Variants in ABCC8 observed in about 807,000 individuals in gnomAD.
ABCC8 encodes ATP-binding cassette sub-family C member 8.
ABCC8 carries 137 observed loss-of-function variants against 188.0 expected under a neutral mutation model. The observed-to-expected ratio is 0.73, with a 90% CI of 0.63 to 0.84. The LOEUF is 0.84. Ranked by LOEUF, ABCC8 falls within the 40% of genes least tolerant of loss-of-function variation. ABCC8 has a pLI of 0.00. For synonymous variants in ABCC8, 797 were observed against 846.5 expected, an observed-to-expected ratio of 0.94 and a Z score of 1.01; for missense variants, 1,750 against 2,072.7, an observed-to-expected ratio of 0.84 and a Z score of 3.02.
intron 16 of ABCC8, among the ~76,000 whole-genome samples, chr11:17,422,911 C>T (rs970155921): frequency 2.6e-5 from 4 of 152,030 alleles, no homozygotes; most frequent in African/African-American, 9.7e-5. Context: ...GGACCACCTC[C>T]CTTTCCCATC....
In ABCC8 at chr11:17,407,114, C is replaced by T. The variant is rs747617694; in HGVS notation, c.2936G>A (p.Ser979Asn). ...GGACGACAGGTTGTCATCCTCCTCG[C>T]TCTCAGCTGCCTCCTCTGCAGGCCG... Reference protein sequence around the residue: ...EEEEEEEAAESEEDDNLSSML... With the variant: ...EEEEEEEAAENEEDDNLSSML... The change falls in exon 25 of 39, where the codon AGC becomes AAC. Residue 979 changes from serine to asparagine, a missense_variant. Physicochemically the swap from Ser to Asn is conservative, Grantham distance 46. Coordinates refer to ENST00000389817, the MANE Select transcript of ABCC8 (RefSeq NM_000352.6). The T allele has an allele frequency of 3.7e-6, 6 of 1,612,594 alleles. No homozygotes were observed. Among genetic ancestry groups the T allele is most frequent in the Non-Finnish European group, 5.1e-6 (6 of 1,179,870 alleles).
At chr11:17,411,166 C>T (rs1490247011) in intron 21 of ABCC8, among the ~76,000 whole-genome samples, 2 of 152,228 alleles carry the variant, frequency 1.3e-5, no homozygotes, top group African/African-American at 2.4e-5. Context: ...GTCCTGACCC[C>T]CACGCCTACC....
chr11:17,470,423 T>G, intron 2 of ABCC8: 1 of 353,492 alleles, frequency 2.8e-6, no homozygotes, highest in Non-Finnish European at 4.0e-6. Flanking sequence ...GGGTATATGA[T>G]CTGGAGGCCT....
intron 1 of ABCC8, 41 bp from the exon 2 acceptor site, chr11:17,475,068 TGGA>T: frequency 1.9e-6 from 3 of 1,612,724 alleles, no homozygotes; most frequent in Non-Finnish European, 2.5e-6. Context: ...CCTGCCCACT[TGGA>T]GGAGGAAGAG....
intron 12 of ABCC8, chr11:17,429,255 G>C (rs1040482683): frequency 3.2e-5 from 5 of 154,196 alleles, no homozygotes; most frequent in Non-Finnish European, 7.2e-5. Flanking sequence ...AAAGCTTTCT[G>C]GGAAGCTCAG....
intron 10 of ABCC8, among the ~76,000 whole-genome samples, chr11:17,442,425 A>G (rs1260786117): frequency 1.3e-5 from 2 of 152,210 alleles, no homozygotes; most frequent in East Asian, 3.8e-4. Context: ...TCAATAACAT[A>G]TCAGTTCCAT....
At position 17,396,909 on chromosome 11, in the gene ABCC8, C is replaced by T. The variant is rs753193265; in HGVS notation, c.4119+7G>A. 5 of 1,613,832 alleles carry T rather than the reference C, an allele frequency of 3.1e-6. No homozygotes were observed. The highest frequency in any genetic ancestry group is 4.2e-6 in the Non-Finnish European group (5 of 1,179,998). On this transcript the variant is annotated splice_region_variant and intron_variant, in intron 33 of 38. Transcript: ENST00000389817. ...CCTGCAGCATTGGGTTGGGCCCGTG[C>T]TCTGACCTTCTGTCCAGGGGCGATG...
chr11:17,457,597 G>A (rs968010419), intron 6 of ABCC8, among the ~76,000 whole-genome samples: 18 of 152,152 alleles, frequency 1.2e-4, no homozygotes, highest in Non-Finnish European at 2.5e-4. Context: ...TTGGGAGTAG[G>A]GGTTGGGTTG....
At chr11:17,441,086 A>C (rs564791233) in intron 10 of ABCC8, among the ~76,000 whole-genome samples, 5 of 152,260 alleles carry the variant, frequency 3.3e-5, no homozygotes, top group African/African-American at 1.2e-4. Context: ...GCACCAAAAG[A>C]ACCAATTTTA....
At position 17,404,203 on chromosome 11, in the gene ABCC8, G is replaced by A. The variant is rs980400348; in HGVS notation, c.3557+309C>T. Among the ~76,000 whole-genome samples, 1 of 152,106 alleles carries A rather than the reference G, an allele frequency of 6.6e-6. No homozygotes were observed. Among genetic ancestry groups the A allele is most frequent in the African/African-American group, 2.4e-5 (1 of 41,414 alleles). ...ACCACTAGAATGATGCAACCCTCCTGGGAAGCATGTTGGCAAAATGAATGA... is the reference window on the plus strand; with the variant it reads ...ACCACTAGAATGATGCAACCCTCCTAGGAAGCATGTTGGCAAAATGAATGA... On this transcript the variant is annotated intron_variant, in intron 28 of 38. Coordinates refer to ENST00000389817, the MANE Select transcript of ABCC8 (RefSeq NM_000352.6). This position sits in a 1 kb window ranked among gnomAD's most constrained non-coding sequence, Gnocchi z 4.7.
intron 21 of ABCC8, among the ~76,000 whole-genome samples, chr11:17,412,366 G>A (rs1366775141): frequency 5.3e-5 from 8 of 152,336 alleles, no homozygotes; most frequent in South Asian, 2.1e-4. Context: ...TCTTATAGTC[G>A]GGCTGCATAA....
chr11:17,450,141 T>C (rs1956703777), intron 7 of ABCC8, among the ~76,000 whole-genome samples: 1 of 152,236 alleles, frequency 6.6e-6, no homozygotes, highest in South Asian at 2.1e-4. Context: ...GGTTATTCTC[T>C]AACCCATGAA....
rs191668490 is a variant in ABCC8 at position 17,443,032 on chromosome 11, A to T, written c.1467+146T>A. The stretch of plus-strand genomic sequence containing the variant: ...CCCCCATTGACTCCATTTCCCAGAC[A>T]AAGAAGCTGAGGCCTGGACAGGTGA... On this transcript the variant is annotated intron_variant, in intron 9 of 38. Transcript: ENST00000389817. The T allele has an allele frequency of 1.1e-4, 162 of 1,514,864 alleles. 1 individual carries two copies. The highest frequency in any genetic ancestry group is 9.5e-5 in the Non-Finnish European group (105 of 1,102,526). 93.8% of individuals were successfully genotyped at this position (1,514,864 alleles called of 1,614,324 possible). A position where few individuals can be genotyped will look rare whatever the true frequency, so the allele number is the denominator to read the frequency against.
chr11:17,435,864 C>G, intron 10 of ABCC8: 1 of 1,251,460 alleles, frequency 8.0e-7, no homozygotes, highest in Non-Finnish European at 1.2e-6. Context: ...GCCCCGGACA[C>G]AGGGACTTCA....
chr11:17,451,898 C>T (rs139381557), intron 7 of ABCC8, among the ~76,000 whole-genome samples: 15 of 152,310 alleles, frequency 9.8e-5, no homozygotes, highest in African/African-American at 3.1e-4. Flanking sequence ...TGCGTTCCCT[C>T]CTCTTGTCCC....
At chr11:17,412,145 G>A (rs1006991526) in intron 21 of ABCC8, among the ~76,000 whole-genome samples, 1 of 152,142 alleles carries the variant, frequency 6.6e-6, no homozygotes, top group Admixed American at 6.5e-5. Context: ...GCCTGCCTCG[G>A]CCTCCCAAAG....
chr11:17,400,495 T>G (rs558466038), intron 29 of ABCC8, among the ~76,000 whole-genome samples: 2 of 152,162 alleles, frequency 1.3e-5, no homozygotes, highest in African/African-American at 4.8e-5. Context: ...AAACCCAGGT[T>G]GGAGCCTGAA....
chr11:17,430,376 T>C, intron 12 of ABCC8: 1 of 308,014 alleles, frequency 3.2e-6, no homozygotes, highest in South Asian at 3.1e-5. Context: ...TCAGGGGCTG[T>C]GGAAAGGGTA....
intron 16 of ABCC8, among the ~76,000 whole-genome samples, chr11:17,417,610 C>T (rs1360173904): frequency 6.6e-6 from 1 of 152,144 alleles, no homozygotes; most frequent in Non-Finnish European, 1.5e-5. Flanking sequence ...CAGAAGCAGC[C>T]CCTTGCCAAT....
Sources: allele counts gnomAD v4.1 joint callset (sites outside exome capture counted in the v4.1 genomes callset), GRCh38; gene constraint gnomAD v4.1.1; non-coding constraint Gnocchi (gnomAD v3.1); transcripts MANE v1.5; gene names NCBI Gene and HGNC (gene_info 2026-07-23, HGNC 2026-07-21).